The following DNAJC27 variants were observed in gnomAD, a reference collection of about 807,000 sequenced individuals.
DNAJC27 encodes the protein DnaJ heat shock protein family (Hsp40) member C27, also known as dnaJ homolog subfamily C member 27.
Under a neutral mutation model 31.4 loss-of-function variants are expected in DNAJC27, and 25 were observed. The ratio of observed to expected loss-of-function variants is 0.80; its 90% confidence interval spans 0.58 to 1.11. The LOEUF (loss-of-function observed/expected upper bound fraction) is 1.11, where lower values mean the gene tolerates loss of function less well. DNAJC27 is among the 50% of genes most tolerant of loss of function. DNAJC27 has a pLI of 0.00. For missense variants in DNAJC27, 356 were observed against 347.3 expected (o/e 1.02, Z -0.20); for synonymous variants, 106 against 112.7 (o/e 0.94, Z 0.37).
intron 5 of DNAJC27, chr2:24,953,653 A>T (rs1665835098): frequency 2.8e-6 from 1 of 353,404 alleles, no homozygotes; most frequent in Admixed American, 6.5e-5. Flanking sequence ...GATAAAAGCC[A>T]CATAAAAGGG....
chr2:24,957,178 G>A lies in DNAJC27; in HGVS notation c.406-13C>T, dbSNP rs755085261. 4 of 1,583,964 alleles carry A rather than the reference G, an allele frequency of 2.5e-6. No individual in the cohort carries two copies. The highest frequency in any genetic ancestry group is 1.2e-5 in the South Asian group (1 of 86,092). On this transcript the variant is annotated splice_polypyrimidine_tract_variant and intron_variant, in intron 4 of 6. Transcript: ENST00000264711. ...TGGTACAATCAATCTGAAATAGAAG[G>A]GGCGGGGGACAGAGAGAAGATTACA...
intron 3 of DNAJC27, among the ~76,000 whole-genome samples, chr2:24,962,459 T>C (rs1473490388): frequency 6.6e-6 from 1 of 152,170 alleles, no homozygotes; most frequent in Non-Finnish European, 1.5e-5. Flanking sequence ...TTTCCCCATG[T>C]TGGCCAGGCT....
intron 6 of DNAJC27, among the ~76,000 whole-genome samples, chr2:24,951,108 T>C (rs763418921): frequency 1.3e-5 from 2 of 152,252 alleles, no homozygotes; most frequent in African/African-American, 2.4e-5. Context: ...TTCTCTTTTG[T>C]TAGTTCTTTT....
At chr2:24,959,229 T>G (rs527694511) in intron 3 of DNAJC27, among the ~76,000 whole-genome samples, 1 of 152,274 alleles carries the variant, frequency 6.6e-6, no homozygotes. Flanking sequence ...CCTAGGCTCT[T>G]AAATTCTCTT....
chr2:24,949,851 T>A (rs1331681904), intron 6 of DNAJC27, among the ~76,000 whole-genome samples: 1 of 151,892 alleles, frequency 6.6e-6, no homozygotes, highest in Non-Finnish European at 1.5e-5. Flanking sequence ...ACAGAAGAAT[T>A]CAGAAAGAGA....
chr2:24,958,125 A>G (rs897386439), intron 3 of DNAJC27, 151 bp from the exon 4 acceptor site: 58 of 711,412 alleles, frequency 8.2e-5, no homozygotes, highest in Non-Finnish European at 1.2e-4. Context: ...AGGGTTTTTT[A>G]TAGAATCAAA....
Position 24,971,919 on chromosome 2 carries a change from C to G in DNAJC27, c.-15G>C, listed in dbSNP as rs921000240. ...TTGGCCTCCATGGCCCTGGCTCTCT[C>G]GGGGCCACCCGCCTCGGTCTCTTCT... is the stretch of plus-strand genomic sequence containing the variant. On this transcript the variant is annotated 5_prime_UTR_variant, in exon 1 of 7. Coordinates refer to ENST00000264711, the MANE Select transcript of DNAJC27 (RefSeq NM_016544.3). The G allele has an allele frequency of 1.3e-6, 2 of 1,554,986 alleles. No individual in the cohort carries two copies. The highest frequency in any genetic ancestry group is 2.8e-5 in the African/African-American group (2 of 72,312).
chr2:24,954,808 G>A (rs1037942577), intron 5 of DNAJC27, among the ~76,000 whole-genome samples: 2 of 152,150 alleles, frequency 1.3e-5, no homozygotes, highest in African/African-American at 4.8e-5. Context: ...ATGGTGGCGG[G>A]CACCTGTAAT....
At chr2:24,960,284 A>G (rs1474310732) in intron 3 of DNAJC27, among the ~76,000 whole-genome samples, 1 of 152,242 alleles carries the variant, frequency 6.6e-6, no homozygotes, top group Non-Finnish European at 1.5e-5. Flanking sequence ...CATTTAAGAC[A>G]GCAAACTTAA....
At chr2:24,955,237 C>T (rs975192628) in intron 5 of DNAJC27, among the ~76,000 whole-genome samples, 2 of 152,128 alleles carry the variant, frequency 1.3e-5, no homozygotes, top group African/African-American at 2.4e-5. Flanking sequence ...AGCAGAGAAT[C>T]TAATAGAGAA....
At chr2:24,971,507 G>A (rs1315112379) in intron 1 of DNAJC27, 6 of 226,488 alleles carry the variant, frequency 2.6e-5, no homozygotes, top group Non-Finnish European at 5.2e-5. Flanking sequence ...TAGAACGCGG[G>A]CAAGGTATCT....
chr2:24,956,824 G>C (rs1665914686), intron 5 of DNAJC27, among the ~76,000 whole-genome samples: 1 of 152,154 alleles, frequency 6.6e-6, no homozygotes, highest in Non-Finnish European at 1.5e-5. Context: ...CTGGTGATCA[G>C]CTAAGTCTCA....
rs1168554207 is a variant in DNAJC27, at chr2:24,951,473, C to T, written c.610G>A (p.Glu204Lys). The change falls in exon 6 of 7, where the codon GAA (glutamate) becomes AAA (lysine). Residue 204 changes from glutamate to lysine, a missense_variant. Coordinates refer to ENST00000264711, the MANE Select transcript of DNAJC27 (RefSeq NM_016544.3). ...ATTCTGCGAATGGCATCTGCTTGTT[C>T]TTTGGTGAAACTAGCACTGCTATTG... is the stretch of plus-strand genomic sequence containing the variant. ...TTNSSASFTK[E>K]QADAIRRIRN... 1.9e-6 allele frequency: 3 copies of T among 1,613,736 alleles called. No individual in the cohort carries two copies. Among genetic ancestry groups the T allele is most frequent in the Non-Finnish European group, 2.5e-6 (3 of 1,179,878 alleles).
At chr2:24,957,232 A>T (rs764281803) in intron 4 of DNAJC27, 67 bp from the exon 5 acceptor site, 9 of 1,495,628 alleles carry the variant, frequency 6.0e-6, no homozygotes, top group Non-Finnish European at 7.1e-6. Context: ...GGACCCAGTG[A>T]GGGTCTCTGT....
At chr2:24,948,179 G>A (rs535390097) in intron 6 of DNAJC27, among the ~76,000 whole-genome samples, 34 of 152,142 alleles carry the variant, frequency 2.2e-4, no homozygotes, top group African/African-American at 8.0e-4. Context: ...CAGCACAGAC[G>A]GGAAGCAAAA....
rs754175162 is a variant in DNAJC27 at position 24,957,955 on chromosome 2, T to G, written c.260A>C (p.Lys87Thr). ...FFYEVRNEFY[K>T]DTQGVILVYD... ...GACCAGTATCACACCCTGTGTGTCC[T>G]TGTAAAACTCATTTCGAACCTTCAA... The change falls in exon 4 of 7, where the codon AAG (lysine) becomes ACG (threonine). Residue 87 changes from lysine (K) to threonine (T), a missense_variant. Physicochemically the swap from Lys to Thr is moderately conservative, Grantham distance 78. Transcript: ENST00000264711. 2 of 1,611,164 alleles carry G rather than the reference T, an allele frequency of 1.2e-6. No homozygotes were observed. Among genetic ancestry groups the G allele is most frequent in the Non-Finnish European group, 1.7e-6 (2 of 1,178,922 alleles).
At chr2:24,948,996 T>C (rs1216454354) in intron 6 of DNAJC27, among the ~76,000 whole-genome samples, 1 of 152,190 alleles carries the variant, frequency 6.6e-6, no homozygotes, top group Non-Finnish European at 1.5e-5. Flanking sequence ...AAGTTTTATG[T>C]ATCAGCTTGG....
At chr2:24,965,185 G>A (rs1666150294) in intron 2 of DNAJC27, among the ~76,000 whole-genome samples, 1 of 151,540 alleles carries the variant, frequency 6.6e-6, no homozygotes, top group Admixed American at 6.6e-5. Context: ...TCGCGCCACT[G>A]CACTCCAGCC....
Position 24,947,696 on chromosome 2 carries a change from T to TG in DNAJC27, c.741dup (p.Lys248GlnfsTer8). The TG allele has an allele frequency of 6.2e-7, 1 of 1,613,882 alleles. No homozygotes were observed. Among genetic ancestry groups the TG allele is most frequent in the Non-Finnish European group, 8.5e-7 (1 of 1,179,758 alleles). On this transcript the variant is annotated frameshift_variant, in exon 7 of 7. Coordinates refer to ENST00000264711, the MANE Select transcript of DNAJC27 (RefSeq NM_016544.3). LOFTEE classifies it high-confidence loss of function. ...TCTTCACTGCCAGGTGCTACACATT[T>TG]GTCAGGGTGAAGAAGCACAGCAAGT...
Sources: allele counts gnomAD v4.1 joint callset (sites outside exome capture counted in the v4.1 genomes callset), GRCh38; gene constraint gnomAD v4.1.1; transcripts MANE v1.5; gene names NCBI Gene and HGNC (gene_info 2026-07-23, HGNC 2026-07-21).